NEK6: variants seen among roughly 807,000 people sequenced by gnomAD.
The protein encoded by NEK6 is NIMA related kinase 6.
NEK6 carries 27 observed loss-of-function variants against 43.5 expected under a neutral mutation model. The observed-to-expected ratio is 0.62, with a 90% confidence interval of 0.46 to 0.86. The LOEUF is 0.86. NEK6 is among the 40% of genes least tolerant of loss of function. The pLI is 0.00. For missense variants in NEK6, 318 were observed against 414.4 expected, an observed-to-expected ratio of 0.77 and a Z score of 2.02; for synonymous variants, 167 against 164.1, an observed-to-expected ratio of 1.02 and a Z score of -0.14.
At chr9:124,315,508 A>G (rs1833769733) in intron 4 of NEK6, among the ~76,000 whole-genome samples, 1 of 152,222 alleles carries the variant, frequency 6.6e-6, no homozygotes, top group African/African-American at 2.4e-5. Context: ...ACTAACTATT[A>G]TAGGTCAAAA....
At position 124,313,928 on chromosome 9, in the gene NEK6, T is replaced by G. The variant is rs1386238966; in HGVS notation, c.237T>G (p.Phe79Leu). Reference sequence around the variant, plus strand: ...TCTTTTTCCTCCCGCCCAAGATCTTTGAGATGATGGACGCCAAGGCGAGGC... The same window carrying G: ...TCTTTTTCCTCCCGCCCAAGATCTTGGAGATGATGGACGCCAAGGCGAGGC... ...KTVALKKVQI[F>L]EMMDAKARQD... The change falls in exon 4 of 10, where the codon TTT becomes TTG. Residue 79 changes from phenylalanine (F) to leucine (L), a missense_variant. Physicochemically the swap from Phe to Leu is conservative, Grantham distance 22. Coordinates refer to ENST00000320246, the MANE Select transcript of NEK6 (RefSeq NM_014397.6). 13 of 1,613,884 alleles carry G rather than the reference T, an allele frequency of 8.1e-6. No homozygotes were observed. Among genetic ancestry groups the G allele is most frequent in the Non-Finnish European group, 7.6e-6 (9 of 1,179,912 alleles).
intron 1 of NEK6, among the ~76,000 whole-genome samples, chr9:124,289,582 G>C (rs747989236): frequency 5.9e-5 from 9 of 152,192 alleles, no homozygotes; most frequent in Non-Finnish European, 1.3e-4. Context: ...GCATGAGGAA[G>C]GCAGTGTGCA....
At chr9:124,258,131 C>G in intron 1 of NEK6, 46 bp downstream of exon 1, 1 of 977,996 alleles carries the variant, frequency 1.0e-6, no homozygotes, top group Non-Finnish European at 1.2e-6. Flanking sequence ...CCCCGCGGCC[C>G]GGAGAAGGGC....
chr9:124,278,203 C>T (rs1588448870), intron 1 of NEK6, among the ~76,000 whole-genome samples: 2 of 152,224 alleles, frequency 1.3e-5, no homozygotes, highest in African/African-American at 4.8e-5. Flanking sequence ...GACACCCTAT[C>T]GCCTAGGTGT....
At chr9:124,330,221 G>A (rs185232823) in intron 7 of NEK6, among the ~76,000 whole-genome samples, 112 of 152,328 alleles carry the variant, frequency 7.4e-4, no homozygotes, top group African/African-American at 2.2e-3. Flanking sequence ...ATTAGAGCGC[G>A]GAACAGAATG....
At chr9:124,304,006 G>A (rs1352515509) in intron 2 of NEK6, among the ~76,000 whole-genome samples, 1 of 152,254 alleles carries the variant, frequency 6.6e-6, no homozygotes, top group Non-Finnish European at 1.5e-5. Flanking sequence ...CGTTCATGTT[G>A]GAGAGGGTAA....
intron 7 of NEK6, 104 bp downstream of exon 7, chr9:124,327,549 A>C (rs1834410876): frequency 6.8e-6 from 6 of 881,902 alleles, no homozygotes; most frequent in Non-Finnish European, 9.3e-6. Context: ...TTAGTGCAGG[A>C]AGATGCCTTT....
chr9:124,307,615 C>T (rs947702861), intron 2 of NEK6, among the ~76,000 whole-genome samples: 14 of 152,228 alleles, frequency 9.2e-5, no homozygotes, highest in African/African-American at 3.1e-4. Context: ...TCAGTCTCCT[C>T]TGCCTTTGGG....
rs751346102 is a variant in NEK6, at chr9:124,321,588, G to T, written c.405+19G>T. 6.9e-7 allele frequency: 1 copy of T among 1,454,788 alleles called. No homozygotes were observed. Among genetic ancestry groups the T allele is most frequent in the Non-Finnish European group, 9.7e-7 (1 of 1,035,324 alleles). The allele number at this position is 1,454,788 out of a possible 1,614,324, so 90.1% of individuals were successfully genotyped here. The stretch of plus-strand genomic sequence containing the variant: ...GATCAAGGTGAGCGCCTGGCGGGGT[G>T]GGGGTGCTGGGGGCTGCGCAGATCT... On this transcript the variant is annotated intron_variant, in intron 5 of 9. Transcript: ENST00000320246.
chr9:124,293,004 A>G (rs1461184824), intron 1 of NEK6: 11 of 1,564,650 alleles, frequency 7.0e-6, no homozygotes, highest in Non-Finnish European at 9.5e-6. Flanking sequence ...GAGCCTGCCA[A>G]GGCCTCGAGG....
At chr9:124,321,094 G>A (rs1834044185) in intron 4 of NEK6, among the ~76,000 whole-genome samples, 1 of 152,218 alleles carries the variant, frequency 6.6e-6, no homozygotes. Context: ...TCAGGGTCGG[G>A]GTGGTGAGGA....
intron 2 of NEK6, 98 bp downstream of exon 2, chr9:124,302,152 T>G: frequency 1.2e-6 from 1 of 839,958 alleles, no homozygotes; most frequent in Non-Finnish European, 1.8e-6. Flanking sequence ...TGGAAACCCT[T>G]CAGCTCCCTG....
At chr9:124,263,214 G>A (rs1000316289) in intron 1 of NEK6, among the ~76,000 whole-genome samples, 5 of 152,206 alleles carry the variant, frequency 3.3e-5, no homozygotes, top group African/African-American at 4.8e-5. Flanking sequence ...AGAGAGCTTC[G>A]CACACACCCA....
chr9:124,309,257 G>A (rs542591601), intron 2 of NEK6, among the ~76,000 whole-genome samples: 4 of 152,354 alleles, frequency 2.6e-5, no homozygotes, highest in African/African-American at 9.6e-5. Context: ...CGGATGGACT[G>A]TGACAAGAAA....
At chr9:124,347,871 G>C (rs1173777570) in intron 9 of NEK6, 49 bp downstream of exon 9, 11 of 1,096,358 alleles carry the variant, frequency 1.0e-5, no homozygotes, top group Non-Finnish European at 1.1e-5. Flanking sequence ...AGGCCACCGA[G>C]GCTTATGAGG....
intron 1 of NEK6, among the ~76,000 whole-genome samples, chr9:124,283,437 A>T (rs1461815407): frequency 6.6e-6 from 1 of 152,174 alleles, no homozygotes; most frequent in Non-Finnish European, 1.5e-5. Context: ...CGGGTGTAGC[A>T]CTGGACGGAG....
chr9:124,278,618 T>G, intron 1 of NEK6, among the ~76,000 whole-genome samples: 1 of 152,134 alleles, frequency 6.6e-6, no homozygotes, highest in Non-Finnish European at 1.5e-5. Flanking sequence ...ACCATAGGAC[T>G]TAGTGCCCAC....
intron 7 of NEK6, among the ~76,000 whole-genome samples, chr9:124,328,965 C>T (rs932123446): frequency 1.3e-5 from 2 of 152,204 alleles, no homozygotes; most frequent in African/African-American, 4.8e-5. Context: ...ATCCAGCCAT[C>T]CTTCCCTTTA....
intron 2 of NEK6, among the ~76,000 whole-genome samples, chr9:124,305,727 G>A (rs4838156): frequency 0.11 from 16,511 of 152,106 alleles, 960 homozygotes; most frequent in East Asian, 0.16. Flanking sequence ...GAAGCTCCCC[G>A]GGAGGGATGG....
Sources: gnomAD v4.1 joint callset for allele counts (sites outside exome capture counted in the v4.1 genomes callset) on GRCh38, gnomAD v4.1.1 for gene constraint, MANE v1.5 for transcripts, NCBI Gene and HGNC (gene_info 2026-07-23, HGNC 2026-07-21) for gene names.